FBXL13: variants seen among roughly 807,000 people sequenced by gnomAD.
FBXL13 encodes F-box and leucine rich repeat protein 13.
A neutral mutation model predicts 83.6 loss-of-function variants in FBXL13; 67 were observed. That is an observed-to-expected ratio of 0.80 (90% CI 0.66 to 0.98). The LOEUF (loss-of-function observed/expected upper bound fraction) is 0.98. Among genes scored for constraint, FBXL13 ranks in the 50% least tolerant of loss-of-function variants. FBXL13 has a pLI of 0.00. For synonymous variants in FBXL13, 272 were observed against 299.5 expected, an observed-to-expected ratio of 0.91 and a Z score of 0.95; for missense variants, 822 against 866.5, an observed-to-expected ratio of 0.95 and a Z score of 0.64.
chr7:102,958,559 AATAATAAT>A (rs756073694), intron 8 of FBXL13, among the ~76,000 whole-genome samples: 2,522 of 147,186 alleles, frequency 0.017, 45 homozygotes, highest in Non-Finnish European at 0.023. Flanking sequence ...TAATAATAAT[AATAATAAT>A]AAAACAGAGA....
intron 11 of FBXL13, among the ~76,000 whole-genome samples, chr7:102,909,346 A>G (rs1170563217): frequency 6.6e-6 from 1 of 151,910 alleles, no homozygotes; most frequent in Non-Finnish European, 1.5e-5. Context: ...ACAAGAGTCA[A>G]GTCCTGGAAT....
chr7:103,027,257 T>C (rs1794029591), intron 5 of FBXL13, among the ~76,000 whole-genome samples, 192 bp downstream of exon 6: 1 of 151,806 alleles, frequency 6.6e-6, no homozygotes, highest in Non-Finnish European at 1.5e-5. Flanking sequence ...GATCACACCA[T>C]TGCACTCCAG....
At chr7:102,869,181 G>A (rs774543287) in intron 16 of FBXL13, among the ~76,000 whole-genome samples, 9 of 152,296 alleles carry the variant, frequency 5.9e-5, no homozygotes, top group Admixed American at 2.6e-4. Flanking sequence ...TCTAACTGGC[G>A]TGAGGCAATA....
intron 6 of FBXL13, among the ~76,000 whole-genome samples, chr7:103,014,866 G>A (rs2129486871): frequency 7.0e-6 from 1 of 143,332 alleles, no homozygotes; most frequent in African/African-American, 2.6e-5. Context: ...GGAGCCTGCA[G>A]TGAGCCGAGA....
chr7:102,938,110 A>G (rs1011470564), intron 8 of FBXL13, among the ~76,000 whole-genome samples: 2 of 152,250 alleles, frequency 1.3e-5, no homozygotes, highest in Non-Finnish European at 2.9e-5. Context: ...AAGGGAATAA[A>G]TGTGAGACTA....
chr7:102,992,359 C>G (rs2129484608), intron 6 of FBXL13, among the ~76,000 whole-genome samples: 1 of 152,246 alleles, frequency 6.6e-6, no homozygotes, highest in East Asian at 1.9e-4. Flanking sequence ...ACAAATGAGA[C>G]AATTTAGAAA....
At chr7:102,950,399 A>G (rs1823225913) in intron 8 of FBXL13, among the ~76,000 whole-genome samples, 1 of 152,238 alleles carries the variant, frequency 6.6e-6, no homozygotes, top group African/African-American at 2.4e-5. Context: ...ACTCTCATTC[A>G]TTGCTGATGA....
At chr7:102,856,954 C>A (rs1356669268) in intron 16 of FBXL13, among the ~76,000 whole-genome samples, 1 of 152,148 alleles carries the variant, frequency 6.6e-6, no homozygotes. Flanking sequence ...TTTATACCAG[C>A]ACTATTTATA....
chr7:103,074,325 C>G (rs943121041), exon 1 of FBXL13: 1 of 1,021,888 alleles, frequency 9.8e-7, no homozygotes, highest in Non-Finnish European at 1.2e-6. Context: ...TAATGCCAGT[C>G]TGCTGATTTT....
At chr7:102,868,615 C>T (rs1350030838) in intron 16 of FBXL13, among the ~76,000 whole-genome samples, 1 of 152,146 alleles carries the variant, frequency 6.6e-6, no homozygotes, top group Non-Finnish European at 1.5e-5. Context: ...CACGGGAGTA[C>T]AGATATCTCT....
In FBXL13 at chr7:102,863,513, T is replaced by G. The variant is rs1057268958; in HGVS notation, c.1636-8653A>C. On this transcript the variant is annotated intron_variant, in intron 16 of 19. Coordinates refer to ENST00000313221, the Ensembl canonical transcript of FBXL13. ...TTTGCTGTGATAGAGGGGATAAAATTGGGGGGGGGGATGGTACTGAAAATC... is the reference window on the plus strand; with the variant it reads ...TTTGCTGTGATAGAGGGGATAAAATGGGGGGGGGGGATGGTACTGAAAATC... Among the ~76,000 whole-genome samples, 446 of 142,696 alleles carry G rather than the reference T, an allele frequency of 3.1e-3. 5 individuals carry two copies. Among genetic ancestry groups the G allele is most frequent in the African/African-American group, 0.011 (430 of 40,054 alleles). The allele number at this position is 142,696 out of a possible 152,430, so 93.6% of individuals were successfully genotyped here.
At chr7:102,855,015 CG>C in intron 16 of FBXL13, among the ~76,000 whole-genome samples, 155 bp from the exon 18 acceptor site, 1 of 152,210 alleles carries the variant, frequency 6.6e-6, no homozygotes, top group African/African-American at 2.4e-5. Context: ...CTTAACAAAT[CG>C]TAAGACCACT....
chr7:102,827,120 G>T (rs1350372359), intron 18 of FBXL13: 1 of 454,254 alleles, frequency 2.2e-6, no homozygotes, highest in African/African-American at 2.0e-5. Context: ...ATTCTTCTGA[G>T]CCAGGCCTCA....
At chr7:102,842,044 C>T (rs968256778) in intron 17 of FBXL13, among the ~76,000 whole-genome samples, 10 of 152,190 alleles carry the variant, frequency 6.6e-5, no homozygotes, top group African/African-American at 2.2e-4. Flanking sequence ...CCATCATAGA[C>T]AGTTTAGTCA....
At chr7:102,845,850 C>T (rs972530998) in intron 17 of FBXL13, among the ~76,000 whole-genome samples, 18 of 152,188 alleles carry the variant, frequency 1.2e-4, no homozygotes, top group African/African-American at 4.1e-4. Context: ...CTGGCATTCC[C>T]ATGCTGGATT....
intron 8 of FBXL13, among the ~76,000 whole-genome samples, chr7:102,951,826 T>C (rs537974002): frequency 8.8e-4 from 128 of 145,960 alleles, no homozygotes; most frequent in African/African-American, 3.2e-3. Flanking sequence ...AAAAAAAAGA[T>C]TGGAGTGGAG....
intron 6 of FBXL13, among the ~76,000 whole-genome samples, chr7:103,019,570 C>T (rs577497724): frequency 1.1e-4 from 16 of 152,056 alleles, no homozygotes; most frequent in South Asian, 2.1e-4. Flanking sequence ...AATTGACAGA[C>T]GGATAGCAAG....
At chr7:102,934,723 C>T in intron 8 of FBXL13, 1 of 1,498,474 alleles carries the variant, frequency 6.7e-7, no homozygotes, top group Non-Finnish European at 9.0e-7. Flanking sequence ...TCATGAATAA[C>T]TTGAAATGCT....
At chr7:102,963,809 A>G (rs1446562994) in intron 7 of FBXL13, 144 bp from the exon 9 acceptor site, 8 of 744,678 alleles carry the variant, frequency 1.1e-5, no homozygotes, top group Non-Finnish European at 1.6e-5. Context: ...AAGACAGACA[A>G]CCTATAGAAT....
Sources: gnomAD v4.1 joint callset for allele counts (sites outside exome capture counted in the v4.1 genomes callset) on GRCh38, gnomAD v4.1.1 for gene constraint, MANE v1.5 for transcripts, NCBI Gene and HGNC (gene_info 2026-07-23, HGNC 2026-07-21) for gene names.